Variants in ATP6V1E2 observed in about 807,000 individuals in gnomAD.
ATP6V1E2 encodes the protein V-type proton ATPase subunit E 2.
For synonymous variants in ATP6V1E2, 121 were observed against 104.2 expected (o/e 1.16, Z -0.98); for missense variants, 308 against 273.3 (o/e 1.13, Z -0.90).
chr2:46,539,659 C>T (rs1157732761), intron 2 of ATP6V1E2, among the ~76,000 whole-genome samples: 1 of 152,212 alleles, frequency 6.6e-6, no homozygotes, highest in Non-Finnish European at 1.5e-5. Flanking sequence ...CAAACCAGTT[C>T]CCCAGCACCA....
intron 4 of ATP6V1E2, among the ~76,000 whole-genome samples, chr2:46,515,384 T>C (rs1243020168): frequency 1.3e-5 from 2 of 152,096 alleles, no homozygotes; most frequent in African/African-American, 4.8e-5. Flanking sequence ...TGTTGGGGGG[T>C]AAAAAAAGAG....
chr2:46,532,826 A>C (rs1667247157), intron 4 of ATP6V1E2, among the ~76,000 whole-genome samples: 1 of 152,162 alleles, frequency 6.6e-6, no homozygotes, highest in Admixed American at 6.5e-5. Flanking sequence ...ATGAACTTTT[A>C]TTATTTATGA....
chr2:46,542,566 G>T lies in ATP6V1E2; in HGVS notation c.-723C>A, dbSNP rs1419040038. Reference sequence around the variant, plus strand: ...GCGCCGGCAGGGCCGCGCGGCGGCAGCAGGCGGGGGCGCGTGGCGCGGGCC... The same window carrying T: ...GCGCCGGCAGGGCCGCGCGGCGGCATCAGGCGGGGGCGCGTGGCGCGGGCC... On this transcript the variant is annotated 5_prime_UTR_variant, in exon 1 of 5. In the 5' UTR this introduces an upstream ATG that the reference lacks. Transcript: ENST00000522587. The T allele has an allele frequency of 6.8e-6, 1 of 147,466 alleles. No individual in the cohort carries two copies. The highest frequency in any genetic ancestry group is 1.5e-5 in the Non-Finnish European group (1 of 66,372). 9.1% of individuals were successfully genotyped at this position (147,466 alleles called of 1,614,324 possible). A position where few individuals can be genotyped will look rare whatever the true frequency, so the allele number is the denominator to read the frequency against.
At position 46,524,038 on chromosome 2, in the gene ATP6V1E2, T is replaced by C. The variant is rs1327367358; in HGVS notation, c.-101-11226A>G. 3.3e-5 allele frequency among the ~76,000 whole-genome samples: 5 copies of C among 152,146 alleles called. No individual in the cohort carries two copies. In the East Asian group the frequency reaches 9.6e-4, roughly 29 times the overall value. On this transcript the variant is annotated intron_variant, in intron 4 of 4. Transcript: ENST00000522587. ...CATGATTTGGCTCTCTGCTTGCCTA[T>C]TGTTAGTGTAAAGGAATACTTGTGT...
chr2:46,520,515 C>T (rs2103857648), intron 4 of ATP6V1E2, among the ~76,000 whole-genome samples: 1 of 152,342 alleles, frequency 6.6e-6, no homozygotes, highest in Middle Eastern at 3.4e-3. Context: ...CTGGGGCCTC[C>T]CCGCTAAAAC....
chr2:46,541,860 C>T (rs1173499100), intron 1 of ATP6V1E2: 1 of 152,320 alleles, frequency 6.6e-6, no homozygotes, highest in East Asian at 1.9e-4. Flanking sequence ...TTTCAGAGCA[C>T]TAGTGTGTAT....
At chr2:46,513,117 C>G (rs1687550323) in intron 4 of ATP6V1E2, among the ~76,000 whole-genome samples, 1 of 152,106 alleles carries the variant, frequency 6.6e-6, no homozygotes, top group South Asian at 2.1e-4. Context: ...ATGGAAACAC[C>G]AAATTAATAC....
At chr2:46,529,139 A>G (rs1293913146) in intron 4 of ATP6V1E2, among the ~76,000 whole-genome samples, 3 of 152,186 alleles carry the variant, frequency 2.0e-5, no homozygotes, top group East Asian at 1.9e-4. Context: ...GGACAGCCCC[A>G]AGAGGGAGGG....
At chr2:46,514,784 T>C (rs1441814898) in intron 4 of ATP6V1E2, among the ~76,000 whole-genome samples, 6 of 152,114 alleles carry the variant, frequency 3.9e-5, no homozygotes, top group African/African-American at 1.2e-4. Context: ...GGGAAATGTC[T>C]ATCCAGATTC....
chr2:46,523,053 T>C (rs1471041076), intron 4 of ATP6V1E2, among the ~76,000 whole-genome samples: 3 of 152,242 alleles, frequency 2.0e-5, no homozygotes, highest in Admixed American at 6.5e-5. Flanking sequence ...TTGAGAAATG[T>C]CTGTTCATAT....
Position 46,530,804 on chromosome 2 carries a change from C to A in ATP6V1E2, c.-102+5009G>T, listed in dbSNP as rs903559158. On this transcript the variant is annotated intron_variant, in intron 4 of 4. Transcript: ENST00000522587. The surrounding 1 kb of genome is among the most constrained non-coding windows in gnomAD (Gnocchi z 5.2). ...TTACATGGCAGCAGGCAAGAGAAAG[C>A]TTGTACAGGGGAACTCCCCTTTGTA... is the stretch of plus-strand genomic sequence containing the variant. 6.6e-6 allele frequency among the ~76,000 whole-genome samples: 1 copy of A among 152,170 alleles called. No individual in the cohort carries two copies. The highest frequency in any genetic ancestry group is 1.5e-5 in the Non-Finnish European group (1 of 68,034).
At position 46,530,531 on chromosome 2, in the gene ATP6V1E2, A is replaced by G. The variant is rs961650214; in HGVS notation, c.-102+5282T>C. Reference sequence around the variant, plus strand: ...GCACTCTCCTCAAGTGTTATTATATATGATATAATTATCAGTATGGCTGGA... The same window carrying G: ...GCACTCTCCTCAAGTGTTATTATATGTGATATAATTATCAGTATGGCTGGA... On this transcript the variant is annotated intron_variant, in intron 4 of 4. Transcript: ENST00000522587. The surrounding 1 kb of genome is among the most constrained non-coding windows in gnomAD (Gnocchi z 5.2). 6.6e-6 allele frequency among the ~76,000 whole-genome samples: 1 copy of G among 152,168 alleles called. No homozygotes were observed. Among genetic ancestry groups the G allele is most frequent in the African/African-American group, 2.4e-5 (1 of 41,436 alleles).
chr2:46,533,688 T>C (rs553494576), intron 4 of ATP6V1E2, among the ~76,000 whole-genome samples: 5 of 152,242 alleles, frequency 3.3e-5, no homozygotes, highest in African/African-American at 9.6e-5. Context: ...AGTGGTTTCA[T>C]GTGGTACCAT....
chr2:46,518,302 A>T (rs1666397131), intron 4 of ATP6V1E2, among the ~76,000 whole-genome samples: 1 of 152,134 alleles, frequency 6.6e-6, no homozygotes, highest in Admixed American at 6.6e-5. Context: ...AGTCAAACTC[A>T]TGGAACCAGG....
Position 46,512,489 on chromosome 2 carries a change from T to C in ATP6V1E2, c.223A>G (p.Met75Val), listed in dbSNP as rs528330241. Residue 75 changes from methionine to valine, a missense_variant, in exon 5 of 5, where the codon ATG (methionine) becomes GTG (valine). By Grantham distance (21) the Met-to-Val change is conservative. Coordinates refer to ENST00000522587, the MANE Select transcript of ATP6V1E2 (RefSeq NM_001318063.2). Reference sequence around the variant, plus strand: ...ACTTTCAGCCTCGCCTGATTCCTCATGGTGGACATCAGGATTTTCTTCTGC... The same window carrying C: ...ACTTTCAGCCTCGCCTGATTCCTCACGGTGGACATCAGGATTTTCTTCTGC... ...EQQKKILMST[M>V]RNQARLKVLR... The C allele has an allele frequency of 3.7e-6, 6 of 1,614,112 alleles. No homozygotes were observed. The Admixed American group carries it at 6.7e-5, about 18-fold the overall frequency.
At chr2:46,534,993 T>G (rs1323309555) in intron 4 of ATP6V1E2, 2 of 152,222 alleles carry the variant, frequency 1.3e-5, no homozygotes, top group African/African-American at 4.8e-5. Context: ...TGCTGTTATA[T>G]TCTCTCCTTT....
chr2:46,519,855 A>G (rs1169581252), intron 4 of ATP6V1E2: 1 of 152,168 alleles, frequency 6.6e-6, no homozygotes, highest in African/African-American at 2.4e-5. Context: ...CAGGATACCT[A>G]TGAATGATTA....
rs1667825984 is a variant in ATP6V1E2 at position 46,542,333 on chromosome 2, C to G, written c.-490G>C. 1 of 151,784 alleles carries G rather than the reference C, an allele frequency of 6.6e-6. No homozygotes were observed. The highest frequency in any genetic ancestry group is 2.4e-5 in the African/African-American group (1 of 41,392). The allele number at this position is 151,784 out of a possible 1,614,324, so 9.4% of individuals were successfully genotyped here. On this transcript the variant is annotated 5_prime_UTR_variant, in exon 1 of 5. Transcript: ENST00000522587. The stretch of plus-strand genomic sequence containing the variant: ...CATGTATAATTTGGCATGACTATTG[C>G]GTCATCGTGGAGGTCGTCGTGGTTC...
At chr2:46,531,108 T>C (rs889555107) in intron 4 of ATP6V1E2, among the ~76,000 whole-genome samples, 1 of 152,248 alleles carries the variant, frequency 6.6e-6, no homozygotes, top group African/African-American at 2.4e-5. Context: ...CCATTGCCTC[T>C]ATCTAGCTTC....
Sources: allele counts gnomAD v4.1 joint callset (sites outside exome capture counted in the v4.1 genomes callset), GRCh38; gene constraint gnomAD v4.1.1; non-coding constraint Gnocchi (gnomAD v3.1); transcripts MANE v1.5; gene names NCBI Gene and HGNC (gene_info 2026-07-23, HGNC 2026-07-21).